Variants in MAN1C1 observed in about 807,000 individuals in gnomAD.
MAN1C1 encodes mannosyl-oligosaccharide 1,2-alpha-mannosidase IC.
In MAN1C1, 49 loss-of-function variants were observed where a neutral mutation model predicts 71.5. The ratio of observed to expected loss-of-function variants is 0.69; its 90% CI spans 0.54 to 0.87. MAN1C1 has a LOEUF of 0.87. Among genes scored for constraint, MAN1C1 ranks in the 40% least tolerant of loss-of-function variants. The pLI, the probability that MAN1C1 is intolerant of heterozygous loss-of-function variation, is 0.00. For synonymous variants in MAN1C1, 352 were observed against 343.7 expected, an observed-to-expected ratio of 1.02 and a Z score of -0.27; for missense variants, 743 against 835.0, an observed-to-expected ratio of 0.89 and a Z score of 1.36.
At chr1:25,763,363 C>G (rs1230691350) in intron 6 of MAN1C1, among the ~76,000 whole-genome samples, 3 of 151,854 alleles carry the variant, frequency 2.0e-5, no homozygotes, top group African/African-American at 7.3e-5. Flanking sequence ...GTGGCACAGG[C>G]CTGTAATCTC....
chr1:25,619,490 C>T (rs1007913935), intron 1 of MAN1C1, among the ~76,000 whole-genome samples: 4 of 152,222 alleles, frequency 2.6e-5, no homozygotes, highest in African/African-American at 7.2e-5. Context: ...ATCCCCTTCT[C>T]CTTGTCTGAA....
chr1:25,647,249 T>C (rs2124764944), intron 1 of MAN1C1, among the ~76,000 whole-genome samples: 1 of 152,178 alleles, frequency 6.6e-6, no homozygotes, highest in African/African-American at 2.4e-5. Context: ...GGCTGAGCCC[T>C]CTCCAGTTTT....
chr1:25,637,531 G>A (rs184303802), intron 1 of MAN1C1, among the ~76,000 whole-genome samples: 1 of 152,022 alleles, frequency 6.6e-6, no homozygotes, highest in Admixed American at 6.5e-5. Context: ...GTATTGTATG[G>A]TTGTTGGGTG....
At chr1:25,689,993 G>A (rs1000854749) in intron 2 of MAN1C1, among the ~76,000 whole-genome samples, 35 of 152,148 alleles carry the variant, frequency 2.3e-4, no homozygotes, top group African/African-American at 7.7e-4. Context: ...GAGGGCAGTC[G>A]GATGCCCAAG....
intron 1 of MAN1C1, among the ~76,000 whole-genome samples, chr1:25,680,923 G>C (rs1262231386): frequency 6.6e-6 from 1 of 152,062 alleles, no homozygotes; most frequent in Non-Finnish European, 1.5e-5. Flanking sequence ...ATTTATTACA[G>C]TGAAAGGTTT....
chr1:25,772,119 G>A (rs1456198724), intron 8 of MAN1C1: 1 of 251,060 alleles, frequency 4.0e-6, no homozygotes, highest in Non-Finnish European at 7.7e-6. Context: ...AGAGCCCAGA[G>A]TGCAGCTAGA....
At position 25,617,592 on chromosome 1, in the gene MAN1C1, C is replaced by G. The variant is rs1161054207; in HGVS notation, c.-206C>G. On this transcript the variant is annotated 5_prime_UTR_variant, in exon 1 of 12. Transcript: ENST00000374332. This position sits in a 1 kb window ranked among gnomAD's most constrained non-coding sequence, Gnocchi z 5.1. ...GCTCGCCCGGGCCCCGCCGAGGCCGCTGCGCCCCCGCCTCCTCGCGGGAGG... is the reference window on the plus strand; with the variant it reads ...GCTCGCCCGGGCCCCGCCGAGGCCGGTGCGCCCCCGCCTCCTCGCGGGAGG... The G allele has an allele frequency of 2.1e-6, 1 of 477,572 alleles. No individual in the cohort carries two copies. The highest frequency in any genetic ancestry group is 3.6e-6 in the Non-Finnish European group (1 of 276,200). 29.6% of individuals were successfully genotyped at this position (477,572 alleles called of 1,614,324 possible).
At chr1:25,709,266 G>A (rs1336302838) in intron 2 of MAN1C1, among the ~76,000 whole-genome samples, 6 of 152,210 alleles carry the variant, frequency 3.9e-5, no homozygotes, top group Non-Finnish European at 8.8e-5. Flanking sequence ...AGAACACGGA[G>A]GAGGCAGTAA....
chr1:25,748,501 C>T (rs1250673509), intron 3 of MAN1C1, among the ~76,000 whole-genome samples: 2 of 152,294 alleles, frequency 1.3e-5, no homozygotes, highest in Admixed American at 1.3e-4. Context: ...CCTGTGTTCA[C>T]CCTGCACGGG....
intron 2 of MAN1C1, among the ~76,000 whole-genome samples, chr1:25,710,905 A>C (rs1489184595): frequency 6.6e-6 from 1 of 152,204 alleles, no homozygotes; most frequent in Non-Finnish European, 1.5e-5. Context: ...GTCTTAGGGA[A>C]GGTCTCTCCC....
chr1:25,665,112 G>A (rs886989014), intron 1 of MAN1C1, among the ~76,000 whole-genome samples: 1 of 152,166 alleles, frequency 6.6e-6, no homozygotes, highest in Non-Finnish European at 1.5e-5. Flanking sequence ...GCAGAGAGAT[G>A]GTTGTGTCTC....
chr1:25,726,728 A>G (rs1375075026), intron 2 of MAN1C1, among the ~76,000 whole-genome samples: 1 of 151,932 alleles, frequency 6.6e-6, no homozygotes, highest in Non-Finnish European at 1.5e-5. Flanking sequence ...TAATATAACC[A>G]CCTACACTGC....
intron 1 of MAN1C1, among the ~76,000 whole-genome samples, chr1:25,637,650 C>G (rs919751605): frequency 7.3e-5 from 11 of 151,468 alleles, no homozygotes; most frequent in African/African-American, 2.4e-4. Context: ...AAAAATATTG[C>G]TTTCCAACTC....
At chr1:25,630,845 C>T (rs936439967) in intron 1 of MAN1C1, among the ~76,000 whole-genome samples, 6 of 152,178 alleles carry the variant, frequency 3.9e-5, no homozygotes, top group East Asian at 1.9e-4. Context: ...ACAGTCATAT[C>T]ATCTGTGAAC....
At chr1:25,701,561 G>C (rs926104212) in intron 2 of MAN1C1, among the ~76,000 whole-genome samples, 23 of 152,218 alleles carry the variant, frequency 1.5e-4, no homozygotes, top group African/African-American at 5.5e-4. Flanking sequence ...ACTGGGAACT[G>C]CCCAACAGGC....
chr1:25,623,510 C>G (rs991772034), intron 1 of MAN1C1, among the ~76,000 whole-genome samples: 2 of 152,084 alleles, frequency 1.3e-5, no homozygotes, highest in Non-Finnish European at 2.9e-5. Context: ...TGATTTACAT[C>G]CGAGTTCAAG....
chr1:25,645,953 A>C (rs985307601), intron 1 of MAN1C1: 1 of 152,252 alleles, frequency 6.6e-6, no homozygotes, highest in African/African-American at 2.4e-5. Context: ...GTCTTGCCCA[A>C]ATCACTCTGA....
chr1:25,674,676 G>C (rs939038076), intron 1 of MAN1C1, among the ~76,000 whole-genome samples: 1 of 152,168 alleles, frequency 6.6e-6, no homozygotes, highest in Non-Finnish European at 1.5e-5. Context: ...GTGGCAGGGG[G>C]AGGCATGGTT....
chr1:25,671,500 G>T (rs181682235), intron 1 of MAN1C1, among the ~76,000 whole-genome samples: 1 of 152,202 alleles, frequency 6.6e-6, no homozygotes, highest in Non-Finnish European at 1.5e-5. Context: ...TGATTATCCC[G>T]TAGAGGTGTT....
Sources: allele counts gnomAD v4.1 joint callset (sites outside exome capture counted in the v4.1 genomes callset), GRCh38; gene constraint gnomAD v4.1.1; non-coding constraint Gnocchi (gnomAD v3.1); transcripts MANE v1.5; gene names NCBI Gene and HGNC (gene_info 2026-07-23, HGNC 2026-07-21).